TNFRSF21: variants seen among roughly 807,000 people sequenced by gnomAD.
The protein encoded by TNFRSF21 is tumor necrosis factor receptor superfamily member 21.
TNFRSF21 carries 19 observed loss-of-function variants against 45.6 expected under a neutral mutation model. The ratio of observed to expected loss-of-function variants is 0.42; its 90% CI spans 0.29 to 0.61. The LOEUF is 0.61. TNFRSF21 is among the 20% of genes least tolerant of loss of function. The probability of loss-of-function intolerance (pLI) is 0.23; values close to 1 mark genes in which losing one functional copy is unlikely to be tolerated. For missense variants in TNFRSF21, 737 were observed against 851.5 expected, an observed-to-expected ratio of 0.87 and a Z score of 1.67; for synonymous variants, 314 against 335.5, an observed-to-expected ratio of 0.94 and a Z score of 0.70.
chr6:47,288,050 T>C (rs1762673342), intron 1 of TNFRSF21, among the ~76,000 whole-genome samples: 1 of 152,212 alleles, frequency 6.6e-6, no homozygotes, highest in Admixed American at 6.5e-5. Context: ...TCCTAGTATA[T>C]ACACACATGC....
chr6:47,297,510 C>CTTT (rs55690288), intron 1 of TNFRSF21, among the ~76,000 whole-genome samples: 107 of 117,456 alleles, frequency 9.1e-4, no homozygotes, highest in East Asian at 2.7e-3. Context: ...TCTCTTTTTA[C>CTTT]TTTTTTTTTT....
At position 47,261,879 on chromosome 6, in the gene TNFRSF21, T is replaced by C. The variant is rs189040214; in HGVS notation, c.1244-8358A>G. ...TCATAGTAACCAGTATACGATAGCA[T>C]GGTTAAAAATTTGTATACCAACAGC... On this transcript the variant is annotated intron_variant, in intron 3 of 5. Transcript: ENST00000296861. Among the ~76,000 whole-genome samples the C allele has an allele frequency of 5.9e-5, 9 of 152,344 alleles. No individual in the cohort carries two copies. The East Asian group carries it at 1.3e-3, about 23-fold the overall frequency.
intron 3 of TNFRSF21, among the ~76,000 whole-genome samples, chr6:47,256,515 T>G (rs899399364): frequency 7.2e-5 from 11 of 152,116 alleles, no homozygotes; most frequent in African/African-American, 2.7e-4. Flanking sequence ...AGAGGGAGAC[T>G]CTATCTCAAA....
chr6:47,258,777 G>A (rs1351989666), intron 3 of TNFRSF21, among the ~76,000 whole-genome samples: 1 of 152,090 alleles, frequency 6.6e-6, no homozygotes, highest in Admixed American at 6.5e-5. Flanking sequence ...AAAAGAAAGA[G>A]AAAAAGAGAG....
intron 1 of TNFRSF21, among the ~76,000 whole-genome samples, chr6:47,307,927 G>T (rs2236035): frequency 0.26 from 39,584 of 151,994 alleles, 5,650 homozygotes; most frequent in East Asian, 0.59. Context: ...AATGATGATA[G>T]TTCTCACTCC....
In TNFRSF21 at chr6:47,232,678, A is replaced by G; in HGVS notation, c.*87T>C. On this transcript the variant is annotated 3_prime_UTR_variant, in exon 6 of 6. Transcript: ENST00000296861. ...ACACACAAACACACACACACACCCC[A>G]AACAACAAAAATCAGAAACAGAAGA... The G allele has an allele frequency of 8.0e-7, 1 of 1,243,194 alleles. No individual in the cohort carries two copies. Among genetic ancestry groups the G allele is most frequent in the South Asian group, 1.4e-5 (1 of 73,286 alleles). 77.0% of individuals were successfully genotyped at this position (1,243,194 alleles called of 1,614,324 possible).
At chr6:47,308,855 G>A (rs902708323) in intron 1 of TNFRSF21, among the ~76,000 whole-genome samples, 2 of 152,254 alleles carry the variant, frequency 1.3e-5, no homozygotes, top group Non-Finnish European at 2.9e-5. Context: ...TTGAGGAGGG[G>A]GCGGCTTGCG....
At chr6:47,297,214 T>G (rs571332830) in intron 1 of TNFRSF21, among the ~76,000 whole-genome samples, 2 of 152,376 alleles carry the variant, frequency 1.3e-5, no homozygotes, top group South Asian at 4.1e-4. Context: ...TTGGTTTTTT[T>G]TAATCCTTAA....
At chr6:47,291,683 T>G (rs1582355731) in intron 1 of TNFRSF21, among the ~76,000 whole-genome samples, 1 of 152,218 alleles carries the variant, frequency 6.6e-6, no homozygotes, top group East Asian at 1.9e-4. Context: ...AAACCAAGCA[T>G]CTCCACTTTA....
In TNFRSF21 at chr6:47,232,049, TAAG is replaced by T; in HGVS notation, c.*713_*715del. ...TTCTCCAGCCCAGAGCATATTAGCA[TAAG>T]AAGAGTACAAGTAATCAAGCATTCT... On this transcript the variant is annotated 3_prime_UTR_variant, in exon 6 of 6. Transcript: ENST00000296861. 6.6e-6 allele frequency: 1 copy of T among 152,606 alleles called. No homozygotes were observed. Among genetic ancestry groups the T allele is most frequent in the East Asian group, 1.9e-4 (1 of 5,186 alleles). The allele number at this position is 152,606 out of a possible 1,614,324, so 9.5% of individuals were successfully genotyped here.
At chr6:47,247,022 C>T (rs956906860) in intron 4 of TNFRSF21, among the ~76,000 whole-genome samples, 1 of 152,196 alleles carries the variant, frequency 6.6e-6, no homozygotes, top group African/African-American at 2.4e-5. Flanking sequence ...AAGGCATTGA[C>T]CACTTTTCTT....
At chr6:47,244,810 T>C (rs1164519134) in intron 4 of TNFRSF21, among the ~76,000 whole-genome samples, 2 of 152,172 alleles carry the variant, frequency 1.3e-5, no homozygotes, top group African/African-American at 2.4e-5. Context: ...TTAACTGATA[T>C]AAAATAAAAC....
chr6:47,247,639 G>A (rs1305618562), intron 4 of TNFRSF21, among the ~76,000 whole-genome samples: 1 of 152,186 alleles, frequency 6.6e-6, no homozygotes, highest in Non-Finnish European at 1.5e-5. Context: ...TCCCTCTGCA[G>A]CAGAGGCAGG....
At chr6:47,249,905 A>G (rs1764876714) in intron 4 of TNFRSF21, among the ~76,000 whole-genome samples, 1 of 152,182 alleles carries the variant, frequency 6.6e-6, no homozygotes, top group Non-Finnish European at 1.5e-5. Flanking sequence ...AGAAAAAAAT[A>G]CTTGATTATT....
intron 1 of TNFRSF21, among the ~76,000 whole-genome samples, chr6:47,308,026 C>G (rs1426337931): frequency 6.6e-6 from 1 of 152,182 alleles, no homozygotes; most frequent in African/African-American, 2.4e-5. Flanking sequence ...CCAAGAGACT[C>G]CCCGACTACT....
chr6:47,307,278 T>G (rs896080151), intron 1 of TNFRSF21, among the ~76,000 whole-genome samples: 3 of 152,324 alleles, frequency 2.0e-5, no homozygotes, highest in Non-Finnish European at 4.4e-5. Context: ...TAAGCCCCAT[T>G]ATAAATTTTA....
intron 4 of TNFRSF21, 60 bp from the exon 5 acceptor site, chr6:47,234,958 C>A: frequency 9.7e-7 from 1 of 1,026,476 alleles, no homozygotes. Flanking sequence ...AAATTAAAAT[C>A]CCTCCTCAGA....
chr6:47,292,593 C>A (rs1385665739), intron 1 of TNFRSF21, among the ~76,000 whole-genome samples: 1 of 152,198 alleles, frequency 6.6e-6, no homozygotes, highest in Non-Finnish European at 1.5e-5. Flanking sequence ...CACTTCTGCA[C>A]CACTCTCTCA....
chr6:47,270,584 C>G (rs528598378), intron 3 of TNFRSF21, among the ~76,000 whole-genome samples: 18 of 152,286 alleles, frequency 1.2e-4, no homozygotes, highest in Non-Finnish European at 2.2e-4. Flanking sequence ...GCTGAAAATT[C>G]TAAAAATCAG....
Sources: allele counts gnomAD v4.1 joint callset (sites outside exome capture counted in the v4.1 genomes callset), GRCh38; gene constraint gnomAD v4.1.1; transcripts MANE v1.5; gene names NCBI Gene and HGNC (gene_info 2026-07-23, HGNC 2026-07-21).